DAP: variants seen among roughly 807,000 people sequenced by gnomAD.
DAP encodes death-associated protein 1.
In DAP, 8 loss-of-function variants were observed where a neutral mutation model predicts 13.8. The observed-to-expected ratio is 0.58, with a 90% confidence interval of 0.34 to 1.05. DAP has a LOEUF of 1.05. Among genes scored for constraint, DAP ranks in the 50% least tolerant of loss-of-function variants. The pLI, the probability that DAP is intolerant of heterozygous loss-of-function variation, is 0.03. For synonymous variants in DAP, 47 were observed against 47.5 expected, an observed-to-expected ratio of 0.99 and a Z score of 0.04; for missense variants, 106 against 133.2, an observed-to-expected ratio of 0.80 and a Z score of 1.01.
chr5:10,692,641 G>A (rs1192798955), intron 2 of DAP, among the ~76,000 whole-genome samples: 4 of 152,110 alleles, frequency 2.6e-5, no homozygotes, highest in Non-Finnish European at 4.4e-5. Flanking sequence ...TCTCCCAACT[G>A]CATTCCAGTG....
intron 2 of DAP, among the ~76,000 whole-genome samples, chr5:10,697,067 T>G (rs1738453528): frequency 6.6e-6 from 1 of 152,196 alleles, no homozygotes; most frequent in Non-Finnish European, 1.5e-5. Flanking sequence ...GGGTGCATGT[T>G]TAACTACATG....
chr5:10,739,201 C>CTAA (rs1554002378), intron 2 of DAP, among the ~76,000 whole-genome samples: 1 of 71,604 alleles, frequency 1.4e-5, no homozygotes, highest in Admixed American at 2.3e-4. Flanking sequence ...GACTCTGAAT[C>CTAA]AAAAAAAAAA....
At chr5:10,737,834 G>A (rs1739654988) in intron 2 of DAP, among the ~76,000 whole-genome samples, 1 of 152,224 alleles carries the variant, frequency 6.6e-6, no homozygotes, top group African/African-American at 2.4e-5. Context: ...TTGGAAGTGG[G>A]ATCTTTATTA....
chr5:10,704,906 G>T (rs1376217953), intron 2 of DAP, among the ~76,000 whole-genome samples: 2 of 152,164 alleles, frequency 1.3e-5, no homozygotes, highest in Non-Finnish European at 2.9e-5. Context: ...GTGGAGCCAG[G>T]ACAAGCACGT....
At position 10,683,580 on chromosome 5, in the gene DAP, A is replaced by G. The variant is rs1346823124; in HGVS notation, c.153-9T>C. Reference sequence around the variant, plus strand: ...CAGTGGGTTTAGGTGGACTGGAAAAAAAGAAGGGAAAAGGCAGATTTAACA... The same window carrying G: ...CAGTGGGTTTAGGTGGACTGGAAAAGAAGAAGGGAAAAGGCAGATTTAACA... On this transcript the variant is annotated splice_polypyrimidine_tract_variant and intron_variant, in intron 2 of 3. Coordinates refer to ENST00000230895, the MANE Select transcript of DAP (RefSeq NM_004394.3). 6.2e-7 allele frequency: 1 copy of G among 1,613,696 alleles called. No individual in the cohort carries two copies.
chr5:10,689,106 C>G (rs191965678), intron 2 of DAP, among the ~76,000 whole-genome samples: 1 of 152,048 alleles, frequency 6.6e-6, no homozygotes, highest in Non-Finnish European at 1.5e-5. Context: ...TTCTATGCCT[C>G]GAGTATGTAC....
At chr5:10,753,505 T>C (rs1740096937) in intron 1 of DAP, among the ~76,000 whole-genome samples, 1 of 152,236 alleles carries the variant, frequency 6.6e-6, no homozygotes, top group South Asian at 2.1e-4. Context: ...AAGCTTTACC[T>C]ACGGTCACAT....
chr5:10,734,931 C>G (rs965748090), intron 2 of DAP, among the ~76,000 whole-genome samples: 5 of 152,138 alleles, frequency 3.3e-5, no homozygotes, highest in Non-Finnish European at 5.9e-5. Context: ...GCAGACTGTC[C>G]CTCACCGGCC....
rs1178095968 is a variant in DAP, at chr5:10,707,277, A to G, written c.153-23706T>C. Among the ~76,000 whole-genome samples, 2 of 152,268 alleles carry G rather than the reference A, an allele frequency of 1.3e-5. No individual in the cohort carries two copies. The highest frequency in any genetic ancestry group is 2.4e-5 in the African/African-American group (1 of 41,474). On this transcript the variant is annotated intron_variant, in intron 2 of 3. Transcript: ENST00000230895. This position sits in a 1 kb window ranked among gnomAD's most constrained non-coding sequence, Gnocchi z 4.0. ...AGCTGATATCTGAAAGGTGTAGCTT[A>G]GTCAGCTGAGCAAGTGTTGAGAGGC...
chr5:10,683,443 A>G lies in DAP; in HGVS notation c.195+86T>C, dbSNP rs1444987151. The G allele has an allele frequency of 4.0e-6, 5 of 1,242,802 alleles. No individual in the cohort carries two copies. The South Asian group carries it at 4.8e-5, about 12-fold the overall frequency. 77.0% of individuals were successfully genotyped at this position (1,242,802 alleles called of 1,614,324 possible). ...GCAGTGGTGCTGGGTTATTCCAGGT[A>G]GAGTTTAACAAAACCAGAAGCAACC... On this transcript the variant is annotated intron_variant, in intron 3 of 3. Coordinates refer to ENST00000230895, the MANE Select transcript of DAP (RefSeq NM_004394.3).
intron 2 of DAP, among the ~76,000 whole-genome samples, chr5:10,711,409 C>T (rs1026479282): frequency 1.1e-4 from 16 of 152,244 alleles, no homozygotes; most frequent in Admixed American, 2.0e-4. Context: ...CAAAGGTGGT[C>T]TCACCGGGGC....
chr5:10,686,588 A>C (rs1411639829), intron 2 of DAP, among the ~76,000 whole-genome samples: 1 of 152,218 alleles, frequency 6.6e-6, no homozygotes, highest in African/African-American at 2.4e-5. Flanking sequence ...ACATTCCCTT[A>C]AGCCAAAGTC....
At chr5:10,687,531 G>A (rs1738185889) in intron 2 of DAP, among the ~76,000 whole-genome samples, 1 of 128,574 alleles carries the variant, frequency 7.8e-6, no homozygotes, top group Admixed American at 8.2e-5. Context: ...AACTGCAGAT[G>A]TGGTGAAAAC....
At chr5:10,737,979 G>C (rs903040389) in intron 2 of DAP, among the ~76,000 whole-genome samples, 1 of 152,236 alleles carries the variant, frequency 6.6e-6, no homozygotes, top group African/African-American at 2.4e-5. Flanking sequence ...ACCATGTAAA[G>C]GCACAGGACT....
chr5:10,756,961 T>C (rs1740201434), intron 1 of DAP, among the ~76,000 whole-genome samples: 1 of 152,202 alleles, frequency 6.6e-6, no homozygotes, highest in South Asian at 2.1e-4. Flanking sequence ...AGAGCAGTGG[T>C]AAGGTCTCAA....
At chr5:10,716,324 G>C (rs1267498331) in intron 2 of DAP, among the ~76,000 whole-genome samples, 1 of 152,166 alleles carries the variant, frequency 6.6e-6, no homozygotes, top group Non-Finnish European at 1.5e-5. Context: ...TCGAAGTCTA[G>C]ATATCTGTGG....
chr5:10,726,829 A>C (rs370370765), intron 2 of DAP, among the ~76,000 whole-genome samples: 1 of 152,224 alleles, frequency 6.6e-6, no homozygotes, highest in African/African-American at 2.4e-5. Flanking sequence ...AGAGAGCAGA[A>C]AGAACGACAT....
At chr5:10,690,295 C>T (rs983477351) in intron 2 of DAP, among the ~76,000 whole-genome samples, 16 of 152,214 alleles carry the variant, frequency 1.1e-4, no homozygotes, top group Non-Finnish European at 1.8e-4. Context: ...CGCTTTGAAA[C>T]CCCAGCCAGC....
Position 10,707,575 on chromosome 5 carries a change from T to C in DAP, c.153-24004A>G, listed in dbSNP as rs2126649194. ...GTGGTGTGATTTGCGATCAGTGTGG[T>C]GCACAGGCAGTGTGATGTGATTTGT... On this transcript the variant is annotated intron_variant, in intron 2 of 3. Coordinates refer to ENST00000230895, the MANE Select transcript of DAP (RefSeq NM_004394.3). This position sits in a 1 kb window ranked among gnomAD's most constrained non-coding sequence, Gnocchi z 4.0. 6.6e-6 allele frequency among the ~76,000 whole-genome samples: 1 copy of C among 151,892 alleles called. No individual in the cohort carries two copies. The highest frequency in any genetic ancestry group is 1.5e-5 in the Non-Finnish European group (1 of 67,936).
Sources: gnomAD v4.1 joint callset for allele counts (sites outside exome capture counted in the v4.1 genomes callset) on GRCh38, gnomAD v4.1.1 for gene constraint, Gnocchi (gnomAD v3.1) non-coding constraint, MANE v1.5 for transcripts, NCBI Gene and HGNC (gene_info 2026-07-23, HGNC 2026-07-21) for gene names.